The following NTF3 variants were observed in gnomAD, a reference collection of about 807,000 sequenced individuals.
NTF3 encodes the protein neurotrophin 3, also known as neurotrophin-3.
In NTF3, 8 loss-of-function variants were observed where a neutral mutation model predicts 26.3. The ratio of observed to expected loss-of-function variants is 0.30; its 90% CI spans 0.18 to 0.55. The LOEUF is 0.55. NTF3 is among the 20% of genes least tolerant of loss of function. The pLI, the probability that NTF3 is intolerant of heterozygous loss-of-function variation, is 0.93. For synonymous variants in NTF3, 154 were observed against 145.5 expected, an observed-to-expected ratio of 1.06 and a Z score of -0.42; for missense variants, 276 against 352.9, an observed-to-expected ratio of 0.78 and a Z score of 1.75.
At chr12:5,492,290 C>T (rs974760185) in intron 1 of NTF3, among the ~76,000 whole-genome samples, 1 of 152,172 alleles carries the variant, frequency 6.6e-6, no homozygotes, top group Admixed American at 6.5e-5. Flanking sequence ...GATTTATTTC[C>T]TTAAGAGCGG....
At chr12:5,441,291 C>T (rs1172689315) in intron 1 of NTF3, among the ~76,000 whole-genome samples, 1 of 152,206 alleles carries the variant, frequency 6.6e-6, no homozygotes, top group Non-Finnish European at 1.5e-5. Flanking sequence ...GTAGAAAAAT[C>T]TGGACAAATG....
chr12:5,479,456 T>C (rs1261005083), intron 1 of NTF3, among the ~76,000 whole-genome samples: 1 of 152,228 alleles, frequency 6.6e-6, no homozygotes, highest in Admixed American at 6.5e-5. Flanking sequence ...TACAGCCGGA[T>C]AAAGGAGCTC....
intron 1 of NTF3, among the ~76,000 whole-genome samples, chr12:5,448,234 A>G (rs1333261623): frequency 1.3e-5 from 2 of 152,126 alleles, no homozygotes; most frequent in Non-Finnish European, 2.9e-5. Context: ...CCATAGTCCC[A>G]TTTTGTAGAC....
chr12:5,445,063 A>G (rs967283298), intron 1 of NTF3, among the ~76,000 whole-genome samples: 6 of 152,192 alleles, frequency 3.9e-5, no homozygotes, highest in Admixed American at 3.9e-4. Context: ...TTCCATCCTA[A>G]TTTGATTTCA....
chr12:5,490,456 C>A (rs915018955), intron 1 of NTF3, among the ~76,000 whole-genome samples: 6 of 152,152 alleles, frequency 3.9e-5, no homozygotes, highest in Admixed American at 2.6e-4. Context: ...ATGACAGGGA[C>A]CCCTAGAGAA....
chr12:5,434,359 A>T (rs1940139396), intron 1 of NTF3, among the ~76,000 whole-genome samples: 1 of 151,832 alleles, frequency 6.6e-6, no homozygotes, highest in African/African-American at 2.4e-5. Flanking sequence ...TGAGGACTGG[A>T]GTGTAGCTGG....
intron 1 of NTF3, among the ~76,000 whole-genome samples, chr12:5,446,644 A>G (rs893090624): frequency 2.0e-5 from 3 of 152,232 alleles, no homozygotes; most frequent in African/African-American, 7.2e-5. Flanking sequence ...CAAGACCTGA[A>G]AAAGTTAAGT....
chr12:5,449,749 G>T (rs1294409794), intron 1 of NTF3, among the ~76,000 whole-genome samples: 1 of 152,184 alleles, frequency 6.6e-6, no homozygotes, highest in East Asian at 1.9e-4. Context: ...TAAGCTACTG[G>T]TTTGTGAAAC....
At chr12:5,444,889 T>A (rs1940284894) in intron 1 of NTF3, among the ~76,000 whole-genome samples, 1 of 152,200 alleles carries the variant, frequency 6.6e-6, no homozygotes, top group Non-Finnish European at 1.5e-5. Context: ...TGATCTCTGG[T>A]TACTTTGACC....
intron 1 of NTF3, among the ~76,000 whole-genome samples, chr12:5,454,243 C>T (rs1194147645): frequency 6.6e-6 from 1 of 152,198 alleles, no homozygotes; most frequent in Non-Finnish European, 1.5e-5. Flanking sequence ...ATAGATGCAT[C>T]TGTCAAATCC....
rs145899570 is a variant in NTF3, at chr12:5,456,135, G to A, written c.18+23793G>A. Among the ~76,000 whole-genome samples the A allele has an allele frequency of 6.6e-6, 1 of 152,324 alleles. No individual in the cohort carries two copies. The highest frequency in any genetic ancestry group is 2.4e-5 in the African/African-American group (1 of 41,576). On this transcript the variant is annotated intron_variant, in intron 1 of 1. Transcript: ENST00000423158. This position sits in a 1 kb window ranked among gnomAD's most constrained non-coding sequence, Gnocchi z 4.4. ...AGCTGAGGTTGAGCTTTCCTTAGCA[G>A]GAGCACTGGTCACTTGGGCTGGGAT...
At chr12:5,484,284 C>A (rs1453744299) in intron 1 of NTF3, among the ~76,000 whole-genome samples, 1 of 152,146 alleles carries the variant, frequency 6.6e-6, no homozygotes, top group Non-Finnish European at 1.5e-5. Flanking sequence ...CAGTTTCTGG[C>A]ACCCTGGGCT....
At chr12:5,470,939 A>G (rs1323657156) in intron 1 of NTF3, among the ~76,000 whole-genome samples, 1 of 151,368 alleles carries the variant, frequency 6.6e-6, no homozygotes, top group African/African-American at 2.4e-5. Flanking sequence ...TGATACACGC[A>G]GAAGCTGCAC....
intron 1 of NTF3, among the ~76,000 whole-genome samples, chr12:5,445,981 C>A (rs1940300850): frequency 6.6e-6 from 1 of 152,208 alleles, no homozygotes; most frequent in Non-Finnish European, 1.5e-5. Context: ...CGTCTCTCAT[C>A]TGCTGAAGGG....
At chr12:5,466,928 T>C (rs560646873) in intron 1 of NTF3, among the ~76,000 whole-genome samples, 8 of 152,104 alleles carry the variant, frequency 5.3e-5, no homozygotes, top group Non-Finnish European at 1.2e-4. Context: ...TTCTCCCTCA[T>C]ACCCTTAAAA....
At chr12:5,444,914 G>A (rs1940285205) in intron 1 of NTF3, among the ~76,000 whole-genome samples, 1 of 152,154 alleles carries the variant, frequency 6.6e-6, no homozygotes, top group Non-Finnish European at 1.5e-5. Context: ...CTGGCTCCAG[G>A]GGCGATTATC....
intron 1 of NTF3, among the ~76,000 whole-genome samples, chr12:5,455,511 CTGGCCTCTG>C (rs947451708): frequency 6.7e-6 from 1 of 148,888 alleles, no homozygotes; most frequent in Non-Finnish European, 1.5e-5. Flanking sequence ...CCCTATCCAT[CTGGCCTCTG>C]TAACCCCTCC....
At chr12:5,462,525 C>A (rs1940537592) in intron 1 of NTF3, among the ~76,000 whole-genome samples, 1 of 152,168 alleles carries the variant, frequency 6.6e-6, no homozygotes, top group Non-Finnish European at 1.5e-5. Flanking sequence ...GTACCTGGTG[C>A]ATTGTAAGCA....
At chr12:5,475,120 AG>A (rs1940706562) in intron 1 of NTF3, among the ~76,000 whole-genome samples, 1 of 152,204 alleles carries the variant, frequency 6.6e-6, no homozygotes, top group South Asian at 2.1e-4. Flanking sequence ...ACACATCAGC[AG>A]GGTTGATGAG....
Sources: gnomAD v4.1 joint callset for allele counts (sites outside exome capture counted in the v4.1 genomes callset) on GRCh38, gnomAD v4.1.1 for gene constraint, Gnocchi (gnomAD v3.1) non-coding constraint, MANE v1.5 for transcripts, NCBI Gene and HGNC (gene_info 2026-07-23, HGNC 2026-07-21) for gene names.